The following ZC3H12B variants were observed in gnomAD, a reference collection of about 807,000 sequenced individuals.
The protein encoded by ZC3H12B is probable ribonuclease ZC3H12B.
Under a neutral mutation model 43.9 loss-of-function variants are expected in ZC3H12B, and 7 were observed. The ratio of observed to expected loss-of-function variants is 0.16; its 90% confidence interval spans 0.09 to 0.30. The LOEUF is 0.30. Among genes scored for constraint, ZC3H12B ranks in the 10% least tolerant of loss-of-function variants. The pLI is 1.00. For missense variants in ZC3H12B, 475 were observed against 670.2 expected, an observed-to-expected ratio of 0.71 and a Z score of 3.22; for synonymous variants, 222 against 241.7, an observed-to-expected ratio of 0.92 and a Z score of 0.76.
chrX:65,448,678 G>T (rs1190914604), intron 3 of ZC3H12B, among the ~76,000 whole-genome samples: 1 of 109,702 alleles, frequency 9.1e-6, no homozygotes, highest in African/African-American at 3.3e-5. Flanking sequence ...TTAGCTGGAC[G>T]TGGTGGCACA....
At chrX:65,138,074 C>T in the ZC3H12B span, among the ~76,000 whole-genome samples, 1 of 112,419 alleles carries the variant, frequency 8.9e-6, no homozygotes, top group African/African-American at 3.2e-5. Flanking sequence ...AGGCAATCCT[C>T]CCGCCTCTGC....
chrX:65,234,493 T>C, the ZC3H12B span, among the ~76,000 whole-genome samples: 1 of 111,946 alleles, frequency 8.9e-6, no homozygotes, highest in African/African-American at 3.2e-5. Flanking sequence ...CAACATAGTA[T>C]TGAAAGTCCT....
At chrX:65,480,614 A>AG (rs975971054) in intron 3 of ZC3H12B, among the ~76,000 whole-genome samples, 9 of 111,962 alleles carry the variant, frequency 8.0e-5, no homozygotes, top group African/African-American at 2.9e-4. Context: ...TGGGAGGCTG[A>AG]GGGGGGCGGA....
the ZC3H12B span, among the ~76,000 whole-genome samples, chrX:65,214,134 G>C: frequency 1.3e-4 from 14 of 111,230 alleles, no homozygotes; most frequent in African/African-American, 4.6e-4. Context: ...TATTTTTACT[G>C]GTGGTGGGTC....
chrX:65,320,956 C>T, the ZC3H12B span, among the ~76,000 whole-genome samples: 1 of 112,228 alleles, frequency 8.9e-6, no homozygotes, highest in Non-Finnish European at 1.9e-5. Context: ...TAGAAGACAA[C>T]TTAGGCAATA....
chrX:65,353,646 CAG>C, the ZC3H12B span, among the ~76,000 whole-genome samples: 2 of 111,924 alleles, frequency 1.8e-5, no homozygotes, highest in Non-Finnish European at 3.8e-5. Flanking sequence ...GGTCTGAAGC[CAG>C]GGAGTCAAGT....
the ZC3H12B span, among the ~76,000 whole-genome samples, chrX:65,232,609 A>T: frequency 9.0e-6 from 1 of 110,784 alleles, no homozygotes; most frequent in Non-Finnish European, 1.9e-5. Context: ...CACAGAAAAC[A>T]AAAAGCAAGA....
At chrX:65,425,884 TG>T (rs1322360124) in intron 3 of ZC3H12B, among the ~76,000 whole-genome samples, 2 of 111,835 alleles carry the variant, frequency 1.8e-5, no homozygotes, top group African/African-American at 6.5e-5. Flanking sequence ...TGAGGATTTT[TG>T]CATTGATGTT....
the ZC3H12B span, among the ~76,000 whole-genome samples, chrX:65,124,176 T>G: frequency 9.0e-6 from 1 of 111,133 alleles, no homozygotes; most frequent in South Asian, 3.8e-4. Flanking sequence ...CTATGCCAAT[T>G]TTGCTGGAAG....
At chrX:65,375,614 G>A (rs1005718742) in intron 2 of ZC3H12B, among the ~76,000 whole-genome samples, 3 of 111,614 alleles carry the variant, frequency 2.7e-5, no homozygotes, top group Non-Finnish European at 5.6e-5. Flanking sequence ...GCCACAGTAC[G>A]GTGGAGCACT....
At chrX:65,138,567 C>T in the ZC3H12B span, among the ~76,000 whole-genome samples, 1 of 111,686 alleles carries the variant, frequency 9.0e-6, no homozygotes, top group Admixed American at 9.5e-5. Flanking sequence ...CTTTGAGATA[C>T]TGATTTTATT....
chrX:65,078,152 A>C, the ZC3H12B span, among the ~76,000 whole-genome samples: 3 of 112,256 alleles, frequency 2.7e-5, no homozygotes, highest in Admixed American at 9.4e-5. Flanking sequence ...CAATGGAGGA[A>C]GACCAGGTTT....
chrX:65,039,608 C>A, the ZC3H12B span, among the ~76,000 whole-genome samples: 1 of 110,763 alleles, frequency 9.0e-6, no homozygotes, highest in Non-Finnish European at 1.9e-5. Flanking sequence ...GCTTCTTTGG[C>A]CTTTAAATTA....
the ZC3H12B span, among the ~76,000 whole-genome samples, chrX:65,315,564 C>T: frequency 8.1e-5 from 9 of 111,228 alleles, no homozygotes; most frequent in African/African-American, 6.5e-5. Context: ...GCCTAGGCCC[C>T]GTAAAATCAT....
chrX:65,409,142 AATTT>A (rs950300441), intron 3 of ZC3H12B, among the ~76,000 whole-genome samples: 3 of 111,233 alleles, frequency 2.7e-5, no homozygotes, highest in African/African-American at 9.8e-5. Flanking sequence ...GAAGAAAAGT[AATTT>A]ATTCTGTCAA....
the ZC3H12B span, among the ~76,000 whole-genome samples, chrX:65,259,886 C>T: frequency 8.9e-6 from 1 of 112,009 alleles, no homozygotes; most frequent in Non-Finnish European, 1.9e-5. Context: ...GAGCACTACT[C>T]AGCCATAAAA....
At chrX:65,104,692 A>T in the ZC3H12B span, among the ~76,000 whole-genome samples, 1 of 112,173 alleles carries the variant, frequency 8.9e-6, no homozygotes. Flanking sequence ...AATGAAAATC[A>T]AACTAAAAGG....
At chrX:65,501,165 A>G (rs757568660) in intron 4 of ZC3H12B, among the ~76,000 whole-genome samples, 43 of 108,472 alleles carry the variant, frequency 4.0e-4, no homozygotes, top group Non-Finnish European at 7.0e-4. Context: ...CTGTTACTCT[A>G]TGCTGCTTCA....
chrX:65,119,441 A>T, the ZC3H12B span, among the ~76,000 whole-genome samples: 1 of 112,096 alleles, frequency 8.9e-6, no homozygotes, highest in Non-Finnish European at 1.9e-5. Flanking sequence ...GGCTGCATAA[A>T]TGTCTTCTTT....
Sources: allele counts gnomAD v4.1 joint callset (sites outside exome capture counted in the v4.1 genomes callset), GRCh38; gene constraint gnomAD v4.1.1; transcripts MANE v1.5; gene names NCBI Gene and HGNC (gene_info 2026-07-23, HGNC 2026-07-21).